PDE1A: variants seen among roughly 807,000 people sequenced by gnomAD.
The protein encoded by PDE1A is phosphodiesterase 1A.
Under a neutral mutation model 61.7 loss-of-function variants are expected in PDE1A, and 35 were observed. That is an observed-to-expected ratio of 0.57 (90% confidence interval 0.43 to 0.75). The LOEUF (loss-of-function observed/expected upper bound fraction) is 0.75, where lower values mean the gene tolerates loss of function less well. Among genes scored for constraint, PDE1A ranks in the 30% least tolerant of loss-of-function variants. The probability of loss-of-function intolerance (pLI) is 0.00; values close to 1 mark genes in which losing one functional copy is unlikely to be tolerated. For synonymous variants in PDE1A, 232 were observed against 213.2 expected (o/e 1.09, Z -0.77); for missense variants, 597 against 630.6 (o/e 0.95, Z 0.57).
chr2:182,146,004 C>T (rs1426721306), downstream of PDE1A, among the ~76,000 whole-genome samples: 1 of 152,128 alleles, frequency 6.6e-6, no homozygotes, highest in African/African-American at 2.4e-5. Flanking sequence ...CTTGCCCCAA[C>T]CCACCACCCC....
At chr2:182,357,927 A>C (rs1300887551) in intron 1 of PDE1A, among the ~76,000 whole-genome samples, 1 of 152,218 alleles carries the variant, frequency 6.6e-6, no homozygotes, top group Non-Finnish European at 1.5e-5. Flanking sequence ...GTTTGTCCCA[A>C]GCTACCATGT....
intron 13 of PDE1A, among the ~76,000 whole-genome samples, chr2:182,170,948 A>G (rs1692155169): frequency 6.6e-6 from 1 of 152,000 alleles, no homozygotes; most frequent in Non-Finnish European, 1.5e-5. Context: ...TGTTAATCAT[A>G]AGGCAAATTT....
chr2:182,218,872 T>C (rs1468470721), intron 7 of PDE1A, among the ~76,000 whole-genome samples: 1 of 152,098 alleles, frequency 6.6e-6, no homozygotes, highest in Non-Finnish European at 1.5e-5. Flanking sequence ...TAAATGTGTT[T>C]ATGGCTTTTC....
At chr2:182,661,400 A>G in the PDE1A span, among the ~76,000 whole-genome samples, 2 of 152,192 alleles carry the variant, frequency 1.3e-5, no homozygotes, top group African/African-American at 4.8e-5. Context: ...GGCACCTTCT[A>G]TATATCAGAT....
intron 3 of PDE1A, among the ~76,000 whole-genome samples, chr2:182,235,426 G>A (rs1689934232): frequency 6.6e-6 from 1 of 152,224 alleles, no homozygotes; most frequent in African/African-American, 2.4e-5. Context: ...ACAGGCATGA[G>A]CCACCACGCC....
At chr2:182,174,970 C>T (rs1692598445) in intron 13 of PDE1A, among the ~76,000 whole-genome samples, 1 of 152,078 alleles carries the variant, frequency 6.6e-6, no homozygotes, top group Admixed American at 6.6e-5. Flanking sequence ...ATTCAAGTCC[C>T]ACTTATAAGT....
intron 2 of PDE1A, among the ~76,000 whole-genome samples, chr2:182,474,734 T>G (rs554630008): frequency 6.6e-6 from 1 of 151,976 alleles, no homozygotes; most frequent in South Asian, 2.1e-4. Context: ...TAAACCCTAA[T>G]AAAACTCCCT....
At chr2:182,507,718 C>A (rs972788906) in intron 2 of PDE1A, among the ~76,000 whole-genome samples, 1 of 152,088 alleles carries the variant, frequency 6.6e-6, no homozygotes, top group African/African-American at 2.4e-5. Flanking sequence ...TAAATCATAT[C>A]TTTGGAAAAC....
chr2:182,642,661 A>T, the PDE1A span, among the ~76,000 whole-genome samples: 12 of 152,340 alleles, frequency 7.9e-5, no homozygotes, highest in African/African-American at 2.9e-4. Context: ...GAATTGGGGA[A>T]GAGATGCTGA....
chr2:182,205,907 T>A, intron 8 of PDE1A, 33 bp downstream of exon 8: 1 of 1,570,498 alleles, frequency 6.4e-7, no homozygotes, highest in Non-Finnish European at 8.7e-7. Flanking sequence ...TTTCCTGAAA[T>A]TAAATTTCCT....
exon 6 of PDE1A, chr2:182,230,078 T>C (rs138979629): frequency 1.2e-5 from 19 of 1,613,112 alleles, no homozygotes; most frequent in Middle Eastern, 1.7e-4. Context: ...AATTGTGATA[T>C]GGATTTTTGT....
intron 2 of PDE1A, among the ~76,000 whole-genome samples, chr2:182,512,858 C>T (rs1689892149): frequency 1.3e-5 from 2 of 152,110 alleles, no homozygotes; most frequent in South Asian, 4.1e-4. Flanking sequence ...AATCTCACAG[C>T]TCAAAGTCCG....
intron 1 of PDE1A, among the ~76,000 whole-genome samples, chr2:182,407,231 A>G (rs1056449052): frequency 1.3e-5 from 2 of 152,166 alleles, no homozygotes; most frequent in Admixed American, 6.5e-5. Context: ...TCTCTGTCAT[A>G]AGAAAAAAAT....
At chr2:182,140,203 A>G (rs1195328036) in exon 15 of PDE1A, 1 of 152,212 alleles carries the variant, frequency 6.6e-6, no homozygotes, top group East Asian at 1.9e-4. Context: ...TATTAGGTAT[A>G]AATTACAGTC....
chr2:182,581,182 A>G, the PDE1A span, among the ~76,000 whole-genome samples: 1 of 152,204 alleles, frequency 6.6e-6, no homozygotes, highest in Non-Finnish European at 1.5e-5. Context: ...CCTGGAAGAT[A>G]CCTATTTTCA....
intron 13 of PDE1A, among the ~76,000 whole-genome samples, chr2:182,175,398 T>C (rs538943302): frequency 9.0e-4 from 137 of 151,936 alleles, no homozygotes; most frequent in African/African-American, 3.3e-3. Flanking sequence ...AGATGGTATC[T>C]CATTGTGGTT....
At chr2:182,438,832 A>C (rs1383481549) in intron 2 of PDE1A, among the ~76,000 whole-genome samples, 1 of 152,016 alleles carries the variant, frequency 6.6e-6, no homozygotes, top group East Asian at 1.9e-4. Context: ...CTACTATCAG[A>C]GAAATGATAC....
the PDE1A span, among the ~76,000 whole-genome samples, chr2:182,713,717 G>T: frequency 6.6e-6 from 1 of 152,080 alleles, no homozygotes; most frequent in Non-Finnish European, 1.5e-5. Context: ...CATATCTGTG[G>T]CCTCTTTCTT....
intron 2 of PDE1A, among the ~76,000 whole-genome samples, chr2:182,483,281 GA>G (rs1029950887): frequency 4.6e-5 from 7 of 151,694 alleles, no homozygotes; most frequent in African/African-American, 1.7e-4. Flanking sequence ...AAACTAGACA[GA>G]AAAAATAAAG....
Sources: gnomAD v4.1 joint callset for allele counts (sites outside exome capture counted in the v4.1 genomes callset) on GRCh38, gnomAD v4.1.1 for gene constraint, MANE v1.5 for transcripts, NCBI Gene and HGNC (gene_info 2026-07-23, HGNC 2026-07-21) for gene names.